RGS8: variants seen among roughly 807,000 people sequenced by gnomAD.
RGS8 encodes regulator of G-protein signaling 8.
In RGS8, 8 loss-of-function variants were observed where a neutral mutation model predicts 21.7. The observed-to-expected ratio is 0.37, with a 90% confidence interval of 0.22 to 0.66. The LOEUF is 0.66. RGS8 is among the 30% of genes least tolerant of loss of function. The pLI, the probability that RGS8 is intolerant of heterozygous loss-of-function variation, is 0.59. For missense variants in RGS8, 157 were observed against 217.9 expected, an observed-to-expected ratio of 0.72 and a Z score of 1.76; for synonymous variants, 80 against 83.6, an observed-to-expected ratio of 0.96 and a Z score of 0.24.
chr1:182,705,545 C>G, the RGS8 span, among the ~76,000 whole-genome samples: 2 of 151,074 alleles, frequency 1.3e-5, no homozygotes, highest in Non-Finnish European at 3.0e-5. Context: ...TTTTTTATAG[C>G]TACTTTATCT....
chr1:182,735,645 A>AT, the RGS8 span, among the ~76,000 whole-genome samples: 1 of 152,158 alleles, frequency 6.6e-6, no homozygotes, highest in Admixed American at 6.5e-5. Flanking sequence ...CCTTCATTTC[A>AT]TTTTTGCCAA....
chr1:182,668,510 C>T (rs1198535101), intron 3 of RGS8, among the ~76,000 whole-genome samples: 1 of 152,148 alleles, frequency 6.6e-6, no homozygotes, highest in Non-Finnish European at 1.5e-5. Flanking sequence ...TCACAGAAAT[C>T]TTATCCAAGA....
At chr1:182,712,400 A>G in the RGS8 span, among the ~76,000 whole-genome samples, 4 of 152,110 alleles carry the variant, frequency 2.6e-5, no homozygotes, top group Admixed American at 6.5e-5. Flanking sequence ...TAATAAACAC[A>G]TCTTGTTCCA....
At chr1:182,724,855 G>A in the RGS8 span, among the ~76,000 whole-genome samples, 1 of 152,208 alleles carries the variant, frequency 6.6e-6, no homozygotes, top group East Asian at 1.9e-4. Context: ...ACCGCGCCCG[G>A]CCTAGGCTAA....
At chr1:182,661,655 G>C (rs1309631774) in intron 5 of RGS8, among the ~76,000 whole-genome samples, 1 of 152,112 alleles carries the variant, frequency 6.6e-6, no homozygotes, top group African/African-American at 2.4e-5. Flanking sequence ...AATAAAAAAA[G>C]TTTGCATGAA....
At chr1:182,743,323 C>T in the RGS8 span, among the ~76,000 whole-genome samples, 1 of 152,022 alleles carries the variant, frequency 6.6e-6, no homozygotes, top group African/African-American at 2.4e-5. Context: ...TGGGACATGT[C>T]CTGAAGTGGG....
upstream of RGS8, among the ~76,000 whole-genome samples, chr1:182,687,465 G>A (rs1313534510): frequency 6.6e-6 from 1 of 152,196 alleles, no homozygotes; most frequent in Non-Finnish European, 1.5e-5. Context: ...AATAATTTTT[G>A]TATGGAATAC....
upstream of RGS8, among the ~76,000 whole-genome samples, chr1:182,685,174 C>G (rs1331629390): frequency 1.3e-5 from 2 of 152,114 alleles, no homozygotes; most frequent in Non-Finnish European, 2.9e-5. Context: ...TGCAAACAAG[C>G]CTGACTGTCC....
At chr1:182,734,853 C>A in the RGS8 span, 1 of 152,142 alleles carries the variant, frequency 6.6e-6, no homozygotes, top group Non-Finnish European at 1.5e-5. Context: ...CGATGCTGAT[C>A]ATAGAAATAT....
At chr1:182,731,659 CAAT>C in the RGS8 span, among the ~76,000 whole-genome samples, 4 of 152,310 alleles carry the variant, frequency 2.6e-5, no homozygotes, top group South Asian at 4.1e-4. Flanking sequence ...CAATTCTCAA[CAAT>C]GAGAGGCCAT....
chr1:182,700,822 A>G, the RGS8 span, among the ~76,000 whole-genome samples: 1 of 152,238 alleles, frequency 6.6e-6, no homozygotes, highest in African/African-American at 2.4e-5. Context: ...GATCATCATG[A>G]TAGTCCAGTG....
At chr1:182,693,323 C>A in the RGS8 span, among the ~76,000 whole-genome samples, 1 of 152,262 alleles carries the variant, frequency 6.6e-6, no homozygotes, top group Non-Finnish European at 1.5e-5. Context: ...TGAACAGACA[C>A]TTTTCAAAAG....
chr1:182,741,852 C>T, the RGS8 span, among the ~76,000 whole-genome samples: 4 of 133,006 alleles, frequency 3.0e-5, no homozygotes, highest in Non-Finnish European at 6.7e-5. Flanking sequence ...CCTCACCTCC[C>T]GGACGGGGCG....
the RGS8 span, among the ~76,000 whole-genome samples, chr1:182,701,865 T>G: frequency 1.3e-5 from 2 of 152,096 alleles, no homozygotes; most frequent in African/African-American, 2.4e-5. Flanking sequence ...CAGAGAAATG[T>G]AAATAAAAAC....
the RGS8 span, among the ~76,000 whole-genome samples, chr1:182,725,910 A>G: frequency 1.3e-5 from 2 of 152,246 alleles, no homozygotes; most frequent in Admixed American, 1.3e-4. Context: ...TAAACAATTT[A>G]TGAGTAACAT....
intron 4 of RGS8, 71 bp downstream of exon 5, chr1:182,666,801 A>T (rs2482810): frequency 0.031 from 35,197 of 1,133,176 alleles, 2,185 homozygotes; most frequent in African/African-American, 0.24. Context: ...TCTGGTCAGC[A>T]TCTCACTAAA....
At chr1:182,726,559 G>A in the RGS8 span, among the ~76,000 whole-genome samples, 1 of 151,962 alleles carries the variant, frequency 6.6e-6, no homozygotes, top group Non-Finnish European at 1.5e-5. Context: ...AATCCCAGCT[G>A]CTCAGAAGTC....
intron 3 of RGS8, among the ~76,000 whole-genome samples, chr1:182,668,002 C>T (rs556702805): frequency 6.6e-6 from 1 of 152,072 alleles, no homozygotes; most frequent in African/African-American, 2.4e-5. Flanking sequence ...AACCTTTAAT[C>T]GGAGGTTGAC....
At chr1:182,696,378 T>C in the RGS8 span, among the ~76,000 whole-genome samples, 1 of 152,178 alleles carries the variant, frequency 6.6e-6, no homozygotes, top group Admixed American at 6.5e-5. Flanking sequence ...CAGAGACTTA[T>C]TGTATGTCTG....
Sources: gnomAD v4.1 joint callset for allele counts (sites outside exome capture counted in the v4.1 genomes callset) on GRCh38, gnomAD v4.1.1 for gene constraint, MANE v1.5 for transcripts, NCBI Gene and HGNC (gene_info 2026-07-23, HGNC 2026-07-21) for gene names.